The following TENM2 variants were observed in gnomAD, a reference collection of about 807,000 sequenced individuals.
TENM2 encodes teneurin-2.
A neutral mutation model predicts 245.2 loss-of-function variants in TENM2; 52 were observed. The ratio of observed to expected loss-of-function variants is 0.21; its 90% CI spans 0.17 to 0.27. The LOEUF (loss-of-function observed/expected upper bound fraction) is 0.27. Ranked by LOEUF, TENM2 falls within the 10% of genes least tolerant of loss-of-function variation. The pLI is 1.00. For synonymous variants in TENM2, 1,363 were observed against 1,438.9 expected (o/e 0.95, Z 1.19); for missense variants, 3,046 against 3,666.8 (o/e 0.83, Z 4.37).
intron 2 of TENM2, among the ~76,000 whole-genome samples, chr5:167,542,333 A>T (rs897221008): frequency 2.0e-5 from 3 of 152,200 alleles, no homozygotes; most frequent in African/African-American, 7.2e-5. Flanking sequence ...AGTGAACTTC[A>T]TGAAGATTTA....
At chr5:167,476,273 C>A (rs781528681) in intron 2 of TENM2, among the ~76,000 whole-genome samples, 29 of 152,076 alleles carry the variant, frequency 1.9e-4, no homozygotes, top group Non-Finnish European at 7.4e-5. Context: ...TATCAATGAA[C>A]TTTTTGTACT....
intron 4 of TENM2, among the ~76,000 whole-genome samples, chr5:167,975,009 G>C (rs571651108): frequency 6.6e-6 from 1 of 152,350 alleles, no homozygotes; most frequent in South Asian, 2.1e-4. Context: ...GTCTGGAAAG[G>C]CAGCCTCCCC....
intron 25 of TENM2, among the ~76,000 whole-genome samples, chr5:168,237,659 G>A (rs1394516164): frequency 6.6e-6 from 1 of 151,962 alleles, no homozygotes; most frequent in Non-Finnish European, 1.5e-5. Context: ...CAAACATAAT[G>A]TTTGCTTGGG....
intron 1 of TENM2, among the ~76,000 whole-genome samples, chr5:167,292,717 A>G (rs1754706822): frequency 1.3e-5 from 2 of 152,246 alleles, no homozygotes; most frequent in Non-Finnish European, 2.9e-5. Context: ...ACCTCACAGA[A>G]CCTGGCAGTT....
intron 2 of TENM2, among the ~76,000 whole-genome samples, chr5:167,724,692 G>A (rs1487482286): frequency 1.3e-5 from 2 of 152,192 alleles, no homozygotes; most frequent in African/African-American, 2.4e-5. Flanking sequence ...TCATTTCTTT[G>A]TGGCTGAGAT....
the TENM2 span, among the ~76,000 whole-genome samples, chr5:167,060,900 T>G: frequency 7.9e-5 from 12 of 152,274 alleles, no homozygotes; most frequent in Middle Eastern, 3.4e-3. Flanking sequence ...GTATGGACTC[T>G]CTGTAGTAGA....
At chr5:167,503,649 T>A (rs1184369760) in intron 2 of TENM2, among the ~76,000 whole-genome samples, 2 of 152,162 alleles carry the variant, frequency 1.3e-5, no homozygotes, top group Admixed American at 1.3e-4. Context: ...ATCCCAGCAC[T>A]TTCAGAGAAT....
intron 2 of TENM2, among the ~76,000 whole-genome samples, chr5:167,778,019 C>T (rs1390055351): frequency 2.0e-5 from 3 of 152,176 alleles, no homozygotes; most frequent in Non-Finnish European, 4.4e-5. Context: ...TTCCTTGCTG[C>T]CACAGTGGAC....
chr5:167,644,197 C>T (rs1184742457), intron 2 of TENM2, among the ~76,000 whole-genome samples: 1 of 152,170 alleles, frequency 6.6e-6, no homozygotes, highest in African/African-American at 2.4e-5. Flanking sequence ...TTCCAGTACA[C>T]ATGTTGAATA....
At chr5:167,783,513 C>A (rs560479117) in intron 2 of TENM2, among the ~76,000 whole-genome samples, 2 of 152,148 alleles carry the variant, frequency 1.3e-5, no homozygotes, top group Non-Finnish European at 2.9e-5. Flanking sequence ...CCAGGAAACT[C>A]GTTAATGCAG....
chr5:168,127,457 A>G (rs1334024193), intron 12 of TENM2, among the ~76,000 whole-genome samples: 1 of 152,106 alleles, frequency 6.6e-6, no homozygotes, highest in Non-Finnish European at 1.5e-5. Flanking sequence ...CATCACCACC[A>G]CCGTCATTAC....
At chr5:167,173,818 A>G in the TENM2 span, among the ~76,000 whole-genome samples, 5 of 152,050 alleles carry the variant, frequency 3.3e-5, no homozygotes. Flanking sequence ...GTAAAAAAAT[A>G]TAGAAGTAAT....
intron 2 of TENM2, among the ~76,000 whole-genome samples, chr5:167,398,828 G>A (rs7700957): frequency 0.12 from 17,684 of 152,140 alleles, 1,365 homozygotes; most frequent in Non-Finnish European, 0.17. Context: ...TGCCTGGCAC[G>A]TAGTAAACAA....
chr5:167,260,838 A>T, the TENM2 span, among the ~76,000 whole-genome samples: 1 of 152,194 alleles, frequency 6.6e-6, no homozygotes, highest in Non-Finnish European at 1.5e-5. Flanking sequence ...ATTGTTTATT[A>T]TAATTTGAGC....
intron 2 of TENM2, among the ~76,000 whole-genome samples, chr5:167,472,338 T>C (rs978091332): frequency 2.6e-5 from 4 of 152,222 alleles, no homozygotes; most frequent in Admixed American, 2.0e-4. Context: ...GTGTTTTAAG[T>C]GTAAAGTAAA....
At chr5:167,898,564 C>T (rs1775432265) in intron 3 of TENM2, among the ~76,000 whole-genome samples, 1 of 152,168 alleles carries the variant, frequency 6.6e-6, no homozygotes, top group African/African-American at 2.4e-5. Context: ...TGCCCAGATG[C>T]TCTTGAGAAA....
At chr5:167,929,129 G>T (rs945147283) in intron 3 of TENM2, among the ~76,000 whole-genome samples, 1 of 100,886 alleles carries the variant, frequency 9.9e-6, no homozygotes, top group Admixed American at 1.2e-4. Flanking sequence ...AAGAAAGAAA[G>T]AAAAGAAAGA....
chr5:168,032,464 A>G (rs1787229422), intron 5 of TENM2, among the ~76,000 whole-genome samples: 1 of 152,168 alleles, frequency 6.6e-6, no homozygotes, highest in Non-Finnish European at 1.5e-5. Context: ...GCTGGGAGAA[A>G]GGCAAGTAGG....
At chr5:167,741,869 T>C (rs1296523005) in intron 2 of TENM2, among the ~76,000 whole-genome samples, 3 of 152,180 alleles carry the variant, frequency 2.0e-5, no homozygotes, top group South Asian at 2.1e-4. Context: ...TTATTATTTC[T>C]AGAAACTGTA....
Sources: gnomAD v4.1 joint callset for allele counts (sites outside exome capture counted in the v4.1 genomes callset) on GRCh38, gnomAD v4.1.1 for gene constraint, MANE v1.5 for transcripts, NCBI Gene and HGNC (gene_info 2026-07-23, HGNC 2026-07-21) for gene names.